The following NUMB variants were observed in gnomAD, a reference collection of about 807,000 sequenced individuals.
The protein encoded by NUMB is protein numb homolog.
NUMB carries 29 observed loss-of-function variants against 59.7 expected under a neutral mutation model. The ratio of observed to expected loss-of-function variants is 0.49; its 90% CI spans 0.36 to 0.66. The LOEUF is 0.66. NUMB is among the 30% of genes least tolerant of loss of function. NUMB has a pLI of 0.00. For synonymous variants in NUMB, 288 were observed against 288.2 expected (o/e 1.00, Z 0.01); for missense variants, 723 against 822.0 (o/e 0.88, Z 1.47).
At chr14:73,372,532 TAAA>T in intron 2 of NUMB, among the ~76,000 whole-genome samples, 1 of 150,042 alleles carries the variant, frequency 6.7e-6, no homozygotes, top group South Asian at 2.1e-4. Flanking sequence ...GAATAGATAT[TAAA>T]AACCACAACT....
intron 4 of NUMB, among the ~76,000 whole-genome samples, chr14:73,323,737 A>G (rs1891523054): frequency 6.6e-6 from 1 of 152,254 alleles, no homozygotes; most frequent in Non-Finnish European, 1.5e-5. Context: ...CAGATCACCA[A>G]AACAAATTTT....
chr14:73,440,600 C>A (rs1268215454), intron 1 of NUMB, among the ~76,000 whole-genome samples: 2 of 151,762 alleles, frequency 1.3e-5, no homozygotes, highest in African/African-American at 4.8e-5. Flanking sequence ...AATCCCAGCA[C>A]TTTGGGAGGC....
At chr14:73,333,405 T>G (rs1049452399) in intron 4 of NUMB, among the ~76,000 whole-genome samples, 3 of 152,200 alleles carry the variant, frequency 2.0e-5, no homozygotes, top group African/African-American at 7.2e-5. Flanking sequence ...TTTTTTTTAT[T>G]TTTTAAATTT....
At chr14:73,425,395 A>AG (rs1181818980) in intron 1 of NUMB, among the ~76,000 whole-genome samples, 4 of 152,142 alleles carry the variant, frequency 2.6e-5, no homozygotes, top group African/African-American at 9.7e-5. Flanking sequence ...AAATAGAAAT[A>AG]GGGGTCTCGC....
rs745895276 is a variant in NUMB at position 73,277,174 on chromosome 14, G to C, written c.1360C>G (p.Gln454Glu). The C allele has an allele frequency of 6.2e-7, 1 of 1,613,992 alleles. No individual in the cohort carries two copies. The highest frequency in any genetic ancestry group is 8.5e-7 in the Non-Finnish European group (1 of 1,180,014). Residue 454 changes from glutamine (Q) to glutamate (E), a missense_variant, in exon 13 of 13, where the codon CAG becomes GAG. Around this residue, in one of 2 missense-constraint regions of NUMB, gnomAD observed 406 missense variants for 385.4 expected, o/e 1.05. Transcript: ENST00000555238. Reference protein sequence around the residue: ...LEEVSKSVRAQQPQASAAPLQ... With the variant: ...LEEVSKSVRAEQPQASAAPLQ... ...GGAGCAGCTGAGGCCTGGGGCTGCT[G>C]AGCCCGGACGCTCTTAGACACCTCT...
intron 4 of NUMB, among the ~76,000 whole-genome samples, chr14:73,323,575 C>T (rs561230975): frequency 2.4e-4 from 37 of 152,264 alleles, no homozygotes; most frequent in Non-Finnish European, 4.4e-4. Context: ...TAATAGCCTG[C>T]GCTAGACACA....
At chr14:73,403,011 C>A (rs1896491146) in intron 2 of NUMB, among the ~76,000 whole-genome samples, 1 of 152,170 alleles carries the variant, frequency 6.6e-6, no homozygotes, top group South Asian at 2.1e-4. Flanking sequence ...ATTCCCAAAT[C>A]CCTACTCCCT....
rs1594876515 is a variant in NUMB, at chr14:73,297,202, G to A, written c.309+9C>T. On this transcript the variant is annotated intron_variant, in intron 7 of 12. Coordinates refer to ENST00000555238, the MANE Select transcript of NUMB (RefSeq NM_001005743.2). ...TAAAATAAATCAAAATAAAAATAAA[G>A]AATCTTACCTTAGTTTTTTCATCCA... The A allele has an allele frequency of 6.5e-7, 1 of 1,540,368 alleles. No individual in the cohort carries two copies. Among genetic ancestry groups the A allele is most frequent in the Non-Finnish European group, 8.9e-7 (1 of 1,117,584 alleles).
chr14:73,277,762 T>TAAA (rs35278332), intron 12 of NUMB, among the ~76,000 whole-genome samples: 3 of 144,084 alleles, frequency 2.1e-5, no homozygotes, highest in South Asian at 2.2e-4. Context: ...AATTCTGTCT[T>TAAA]AAAAAAAAAA....
At position 73,417,985 on chromosome 14, in the gene NUMB, A is replaced by T. The variant is rs140119955; in HGVS notation, c.-232-7917T>A. On this transcript the variant is annotated intron_variant, in intron 1 of 12. Transcript: ENST00000555238. Reference sequence around the variant, plus strand: ...CCGGGCATGGTGGCATGCGCCTGTAATCCCAGCTACTCAGGAGGCTGAGGC... The same window carrying T: ...CCGGGCATGGTGGCATGCGCCTGTATTCCCAGCTACTCAGGAGGCTGAGGC... Among the ~76,000 whole-genome samples, 1,977 of 152,198 alleles carry T rather than the reference A, an allele frequency of 0.013. 99 individuals carry two copies. The South Asian group carries it at 0.16, about 12-fold the overall frequency.
chr14:73,310,309 T>A (rs1284482434), intron 6 of NUMB, among the ~76,000 whole-genome samples: 2 of 152,204 alleles, frequency 1.3e-5, no homozygotes, highest in East Asian at 3.8e-4. Flanking sequence ...GTCTGCTAAT[T>A]CTTAAGATAA....
intron 2 of NUMB, among the ~76,000 whole-genome samples, chr14:73,379,288 T>C (rs1229831691): frequency 1.3e-5 from 2 of 152,166 alleles, no homozygotes; most frequent in East Asian, 3.8e-4. Flanking sequence ...TTAAAAATGA[T>C]TTTTAATGAA....
intron 2 of NUMB, among the ~76,000 whole-genome samples, chr14:73,372,316 T>TA (rs1232032374): frequency 1.9e-5 from 2 of 105,992 alleles, no homozygotes. Context: ...TATATATATA[T>TA]ATATATATAT....
In NUMB at chr14:73,352,473, CACACAT is replaced by C. The variant is rs1566756038; in HGVS notation, c.126+3147_126+3152del. On this transcript the variant is annotated intron_variant, in intron 4 of 12. Coordinates refer to ENST00000555238, the MANE Select transcript of NUMB (RefSeq NM_001005743.2). The stretch of plus-strand genomic sequence containing the variant: ...ACACACACACATACACACACACACA[CACACAT>C]ATATATATATATATATATATATATA... Among the ~76,000 whole-genome samples, 16 of 20,458 alleles carry C rather than the reference CACACAT, an allele frequency of 7.8e-4. 1 individual carries two copies. Among genetic ancestry groups the C allele is most frequent in the African/African-American group, 1.6e-3 (10 of 6,238 alleles). The allele number at this position is 20,458 out of a possible 152,430, so 13.4% of individuals were successfully genotyped here. A position where few individuals can be genotyped will look rare whatever the true frequency, so the allele number is the denominator to read the frequency against.
At chr14:73,313,909 G>A (rs1181210911) in intron 6 of NUMB, among the ~76,000 whole-genome samples, 3 of 151,644 alleles carry the variant, frequency 2.0e-5, no homozygotes, top group African/African-American at 4.8e-5. Context: ...CCAGGTTCAA[G>A]CAATTCTCCT....
intron 3 of NUMB, among the ~76,000 whole-genome samples, chr14:73,366,524 A>G (rs1894352442): frequency 1.3e-5 from 2 of 152,154 alleles, no homozygotes; most frequent in African/African-American, 2.4e-5. Context: ...AAATCATTCA[A>G]TCTTTACAAT....
chr14:73,428,209 T>C (rs1229368147), intron 1 of NUMB, among the ~76,000 whole-genome samples: 1 of 152,182 alleles, frequency 6.6e-6, no homozygotes, highest in Non-Finnish European at 1.5e-5. Flanking sequence ...ATGAGTCAAA[T>C]TAGTAATCCA....
At chr14:73,299,569 TATGAC>T (rs1355109199) in intron 6 of NUMB, among the ~76,000 whole-genome samples, 1 of 96,232 alleles carries the variant, frequency 1.0e-5, no homozygotes, top group Non-Finnish European at 1.9e-5. Flanking sequence ...ATGTCATATA[TATGAC>T]ATGACATATG....
chr14:73,411,010 G>A (rs1270166089), intron 1 of NUMB, among the ~76,000 whole-genome samples: 1 of 152,132 alleles, frequency 6.6e-6, no homozygotes, highest in Non-Finnish European at 1.5e-5. Flanking sequence ...TATAATATAT[G>A]GGAGGAAGAA....
Sources: allele counts gnomAD v4.1 joint callset (sites outside exome capture counted in the v4.1 genomes callset), GRCh38; gene constraint gnomAD v4.1.1; regional missense constraint gnomAD v4.1.1; transcripts MANE v1.5; gene names NCBI Gene and HGNC (gene_info 2026-07-23, HGNC 2026-07-21).